The following PPARGC1A variants were observed in gnomAD, a reference collection of about 807,000 sequenced individuals.
PPARGC1A encodes peroxisome proliferator-activated receptor gamma coactivator 1-alpha.
PPARGC1A carries 25 observed loss-of-function variants against 88.7 expected under a neutral mutation model. That is an observed-to-expected ratio of 0.28 (90% CI 0.21 to 0.39). PPARGC1A has a LOEUF of 0.39. Among genes scored for constraint, PPARGC1A ranks in the 10% least tolerant of loss-of-function variants. PPARGC1A has a pLI of 1.00. For synonymous variants in PPARGC1A, 363 were observed against 355.6 expected, an observed-to-expected ratio of 1.02 and a Z score of -0.24; for missense variants, 880 against 968.7, an observed-to-expected ratio of 0.91 and a Z score of 1.22.
chr4:24,087,535 A>G, the PPARGC1A span, among the ~76,000 whole-genome samples: 5 of 152,204 alleles, frequency 3.3e-5, no homozygotes, highest in East Asian at 9.6e-4. Context: ...TCAATCTAAC[A>G]ACTGGCCAAA....
the PPARGC1A span, among the ~76,000 whole-genome samples, chr4:24,034,494 G>A: frequency 6.6e-6 from 1 of 152,020 alleles, no homozygotes; most frequent in Non-Finnish European, 1.5e-5. Context: ...TTCATTAATT[G>A]GTATTGTGTA....
the PPARGC1A span, among the ~76,000 whole-genome samples, chr4:24,200,485 T>C: frequency 6.6e-6 from 1 of 151,396 alleles, no homozygotes; most frequent in Non-Finnish European, 1.5e-5. Flanking sequence ...TACTCCAGCC[T>C]GGGCAACAAG....
At chr4:23,947,326 T>C in the PPARGC1A span, among the ~76,000 whole-genome samples, 3 of 143,778 alleles carry the variant, frequency 2.1e-5, no homozygotes, top group Admixed American at 2.1e-4. Flanking sequence ...GTAAGGCAGA[T>C]ATAATTATAA....
the PPARGC1A span, among the ~76,000 whole-genome samples, chr4:24,084,907 G>A: frequency 6.6e-6 from 1 of 152,174 alleles, no homozygotes; most frequent in African/African-American, 2.4e-5. Context: ...TATGGCGTCT[G>A]TGATCCAACT....
chr4:24,327,434 T>C, the PPARGC1A span, among the ~76,000 whole-genome samples: 5 of 152,226 alleles, frequency 3.3e-5, no homozygotes, highest in African/African-American at 4.8e-5. Context: ...AAATAATCTT[T>C]GCTGGCAGGA....
At chr4:23,885,935 C>T (rs1388747170) in intron 1 of PPARGC1A, among the ~76,000 whole-genome samples, 5 of 152,136 alleles carry the variant, frequency 3.3e-5, no homozygotes, top group Non-Finnish European at 2.9e-5. Flanking sequence ...ATGAAATAGA[C>T]AGTCTTTTTA....
At chr4:24,387,766 G>GAGAGAGAA in the PPARGC1A span, among the ~76,000 whole-genome samples, 53 of 52,062 alleles carry the variant, frequency 1.0e-3, no homozygotes, top group South Asian at 1.5e-3. Context: ...GAGAGAGAGA[G>GAGAGAGAA]AGAAAGAAAG....
chr4:23,988,851 AT>A, the PPARGC1A span, among the ~76,000 whole-genome samples: 70 of 147,782 alleles, frequency 4.7e-4, no homozygotes, highest in Admixed American at 1.0e-3. Flanking sequence ...ATTACTATGT[AT>A]TTTTTATATA....
chr4:24,117,222 G>A, the PPARGC1A span, among the ~76,000 whole-genome samples: 7 of 152,052 alleles, frequency 4.6e-5, no homozygotes, highest in East Asian at 1.9e-4. Flanking sequence ...ATATCTTGTC[G>A]GTGACTTTAT....
the PPARGC1A span, among the ~76,000 whole-genome samples, chr4:24,431,571 G>A: frequency 1.3e-5 from 2 of 152,176 alleles, no homozygotes; most frequent in Non-Finnish European, 1.5e-5. Flanking sequence ...CCCTGGGATC[G>A]CCAACATTCA....
the PPARGC1A span, among the ~76,000 whole-genome samples, chr4:24,351,896 T>A: frequency 6.6e-6 from 1 of 152,150 alleles, no homozygotes; most frequent in African/African-American, 2.4e-5. Flanking sequence ...GTGTTCTTTT[T>A]TTATTTCAGT....
chr4:24,105,872 G>A, the PPARGC1A span, among the ~76,000 whole-genome samples: 2 of 152,166 alleles, frequency 1.3e-5, no homozygotes, highest in South Asian at 2.1e-4. Context: ...AAGTTCCAGT[G>A]CATTACTCAC....
the PPARGC1A span, among the ~76,000 whole-genome samples, chr4:24,060,686 T>G: frequency 6.6e-6 from 1 of 152,230 alleles, no homozygotes; most frequent in African/African-American, 2.4e-5. Flanking sequence ...TTGATCACAG[T>G]GCCCTGGCCA....
the PPARGC1A span, among the ~76,000 whole-genome samples, chr4:24,121,510 C>G: frequency 6.6e-6 from 1 of 152,052 alleles, no homozygotes; most frequent in South Asian, 2.1e-4. Context: ...ATGAGAGAAG[C>G]TGATCAAGCC....
the PPARGC1A span, among the ~76,000 whole-genome samples, chr4:24,260,009 C>T: frequency 5.3e-5 from 8 of 152,294 alleles, no homozygotes; most frequent in East Asian, 1.5e-3. Flanking sequence ...TTACCTTCTC[C>T]TCTCCCTAGG....
the PPARGC1A span, among the ~76,000 whole-genome samples, chr4:24,007,793 AC>A: frequency 5.8e-4 from 89 of 152,146 alleles, no homozygotes; most frequent in East Asian, 0.016. Context: ...TCAGATTAAA[AC>A]CAGCATTCTG....
the PPARGC1A span, among the ~76,000 whole-genome samples, chr4:24,298,605 C>A: frequency 5.9e-3 from 899 of 152,264 alleles, 6 homozygotes; most frequent in African/African-American, 0.021. Context: ...ACCTCCCTAA[C>A]AGGTTCGTTC....
chr4:24,467,036 G>GAAAGAAAGAGAA, the PPARGC1A span, among the ~76,000 whole-genome samples: 1 of 115,804 alleles, frequency 8.6e-6, no homozygotes, highest in South Asian at 2.9e-4. Context: ...GAAAGAGAAA[G>GAAAGAAAGAGAA]AGAGAGAGAG....
rs534988063 is a variant in PPARGC1A, at chr4:23,878,048, T to C, written c.234+6704A>G. Among the ~76,000 whole-genome samples the C allele has an allele frequency of 1.3e-3, 198 of 152,348 alleles. 2 individuals carry two copies. The highest frequency in any genetic ancestry group is 4.7e-3 in the African/African-American group (196 of 41,584). Reference sequence around the variant, plus strand: ...TAAGAAGCAATGAGCCACTTTTTCCTGATTCTGCTCCAAGATTTCCTCCTT... The same window carrying C: ...TAAGAAGCAATGAGCCACTTTTTCCCGATTCTGCTCCAAGATTTCCTCCTT... On this transcript the variant is annotated intron_variant, in intron 2 of 12. Coordinates refer to ENST00000264867, the MANE Select transcript of PPARGC1A (RefSeq NM_013261.5).
Sources: gnomAD v4.1 joint callset for allele counts (sites outside exome capture counted in the v4.1 genomes callset) on GRCh38, gnomAD v4.1.1 for gene constraint, MANE v1.5 for transcripts, NCBI Gene and HGNC (gene_info 2026-07-23, HGNC 2026-07-21) for gene names.